The following TMEM236 variants were observed in gnomAD, a reference collection of about 807,000 sequenced individuals.
TMEM236 encodes transmembrane protein 236.
A neutral mutation model predicts 14.7 loss-of-function variants in TMEM236; 11 were observed. The observed-to-expected ratio is 0.75, with a 90% confidence interval of 0.47 to 1.24. TMEM236 has a LOEUF of 1.24. Ranked by LOEUF, TMEM236 falls within the 50% of genes most tolerant of loss-of-function variation. The pLI is 0.00. For synonymous variants in TMEM236, 182 were observed against 168.6 expected (o/e 1.08, Z -0.62); for missense variants, 464 against 427.3 (o/e 1.09, Z -0.76).
intron 1 of TMEM236, among the ~76,000 whole-genome samples, chr10:17,758,822 A>C (rs1441452622): frequency 6.6e-6 from 1 of 152,256 alleles, no homozygotes; most frequent in East Asian, 1.9e-4. Context: ...AAGAATGAAC[A>C]CCAGAATGGT....
In TMEM236 at chr10:17,776,089, G is replaced by A. The variant is rs1837654867; in HGVS notation, c.391G>A (p.Val131Ile). 22 of 1,613,654 alleles carry A rather than the reference G, an allele frequency of 1.4e-5. No individual in the cohort carries two copies. The highest frequency in any genetic ancestry group is 1.6e-4 in the Middle Eastern group (1 of 6,076). ...VLPDMLPDLP[V>I]SLVLLSLIMV... The stretch of plus-strand genomic sequence containing the variant: ...ACCTGATATGTTACCTGACCTGCCC[G>A]TATCTCTGGTTCTGTTATCCCTGAT... Residue 131 changes from valine to isoleucine, a missense_variant, in exon 3 of 4, where the codon GTA (valine) becomes ATA (isoleucine). Val to Ile is a conservative substitution (Grantham distance 29). Transcript: ENST00000377495.
chr10:17,762,775 C>T (rs1261247167), intron 1 of TMEM236, among the ~76,000 whole-genome samples: 2 of 151,252 alleles, frequency 1.3e-5, no homozygotes, highest in African/African-American at 2.4e-5. Flanking sequence ...TCAAGTGATC[C>T]TCCCTGAGTA....
chr10:17,790,476 A>G (rs1837908751), intron 3 of TMEM236, among the ~76,000 whole-genome samples: 1 of 152,088 alleles, frequency 6.6e-6, no homozygotes, highest in Non-Finnish European at 1.5e-5. Context: ...GGATCGCTTG[A>G]GCCCAGAAGC....
In TMEM236 at chr10:17,752,522, A is replaced by T. The variant is rs1837224300; in HGVS notation, c.227A>T (p.Lys76Ile). ...WVPVKVILHK[K>I]RYIYRKIKGW... ...CCTGTAAAAGTTATCCTGCACAAGAAACGTTATATTTACAGAAAAATTAAA... is the reference window on the plus strand; with the variant it reads ...CCTGTAAAAGTTATCCTGCACAAGATACGTTATATTTACAGAAAAATTAAA... The change falls in exon 1 of 4, where the codon AAA (lysine) becomes ATA (isoleucine). Residue 76 changes from lysine (K) to isoleucine (I), a missense_variant. Coordinates refer to ENST00000377495, the MANE Select transcript of TMEM236 (RefSeq NM_001098844.3). The T allele has an allele frequency of 3.1e-6, 5 of 1,613,978 alleles. No individual in the cohort carries two copies. Among genetic ancestry groups the T allele is most frequent in the Non-Finnish European group, 4.2e-6 (5 of 1,179,862 alleles).
intron 3 of TMEM236, among the ~76,000 whole-genome samples, chr10:17,779,882 G>T (rs1210809437): frequency 6.6e-6 from 1 of 152,138 alleles, no homozygotes. Flanking sequence ...TCTAAATGCT[G>T]TTGGTGCTGC....
In TMEM236 at chr10:17,752,416, A is replaced by G; in HGVS notation, c.121A>G (p.Arg41Gly). The change falls in exon 1 of 4, where the codon AGA becomes GGA. Residue 41 changes from arginine (R) to glycine (G), a missense_variant. By Grantham distance (125) the Arg-to-Gly change is moderately radical. Coordinates refer to ENST00000377495, the MANE Select transcript of TMEM236 (RefSeq NM_001098844.3). ...CACCGCCTACCAAGGAACAAGGGCTAGATCTGACAACACACACTACTGGCT... is the reference window on the plus strand; with the variant it reads ...CACCGCCTACCAAGGAACAAGGGCTGGATCTGACAACACACACTACTGGCT... ...FATAYQGTRA[R>G]SDNTHYWLII... 6 of 1,613,992 alleles carry G rather than the reference A, an allele frequency of 3.7e-6. No individual in the cohort carries two copies. In the South Asian group the frequency reaches 4.4e-5, roughly 12 times the overall value.
chr10:17,775,126 G>T (rs1204941720), intron 2 of TMEM236, among the ~76,000 whole-genome samples: 1 of 152,086 alleles, frequency 6.6e-6, no homozygotes, highest in East Asian at 1.9e-4. Flanking sequence ...ATTCTCTGGC[G>T]CATTACCCTG....
In TMEM236 at chr10:17,783,443, C is replaced by T. The variant is rs894285039; in HGVS notation, c.472+7273C>T. Among the ~76,000 whole-genome samples, 122 of 152,278 alleles carry T rather than the reference C, an allele frequency of 8.0e-4. 1 individual carries two copies. The highest frequency in any genetic ancestry group is 2.8e-3 in the African/African-American group (116 of 41,568). ...AAGGAGGCGGTTTCCACTATCACATCAGCGAGAGGTGCCCGGTATGATGTT... is the reference window on the plus strand; with the variant it reads ...AAGGAGGCGGTTTCCACTATCACATTAGCGAGAGGTGCCCGGTATGATGTT... On this transcript the variant is annotated intron_variant, in intron 3 of 3. Transcript: ENST00000377495.
intron 1 of TMEM236, among the ~76,000 whole-genome samples, chr10:17,765,902 T>C (rs976468719): frequency 2.4e-4 from 36 of 152,210 alleles, no homozygotes; most frequent in African/African-American, 8.4e-4. Flanking sequence ...ATAACACATT[T>C]GCAGCCAAAT....
At chr10:17,754,096 G>C (rs1393108466) in intron 1 of TMEM236, among the ~76,000 whole-genome samples, 1 of 152,168 alleles carries the variant, frequency 6.6e-6, no homozygotes, top group Non-Finnish European at 1.5e-5. Flanking sequence ...GCTATTCTAA[G>C]TAGTAAATGT....
chr10:17,753,652 T>C (rs960156782), intron 1 of TMEM236, among the ~76,000 whole-genome samples: 15 of 152,222 alleles, frequency 9.9e-5, no homozygotes, highest in African/African-American at 3.6e-4. Flanking sequence ...CTATCACTGA[T>C]GGGCATTTAG....
chr10:17,766,856 T>G (rs1359092462), intron 1 of TMEM236, among the ~76,000 whole-genome samples: 80 of 48,368 alleles, frequency 1.7e-3, no homozygotes, highest in African/African-American at 6.2e-3. Context: ...GCTTCTGTTG[T>G]TTTTTTTTGG....
intron 1 of TMEM236, among the ~76,000 whole-genome samples, chr10:17,754,145 A>G (rs1422304091): frequency 1.3e-5 from 2 of 152,236 alleles, no homozygotes; most frequent in South Asian, 4.1e-4. Context: ...ACATAAACTT[A>G]TCGGAGTGAG....
At chr10:17,786,209 G>T (rs1256920455) in intron 3 of TMEM236, among the ~76,000 whole-genome samples, 3 of 152,272 alleles carry the variant, frequency 2.0e-5, no homozygotes, top group Admixed American at 2.0e-4. Flanking sequence ...AAAGAATTCA[G>T]CATGTGTTAC....
chr10:17,776,201 T>A (rs1837657006), intron 3 of TMEM236, 31 bp downstream of exon 3: 2 of 1,592,316 alleles, frequency 1.3e-6, no homozygotes, highest in Admixed American at 3.4e-5. Flanking sequence ...GAATATTTTT[T>A]AAAGTTTGAT....
intron 1 of TMEM236, among the ~76,000 whole-genome samples, chr10:17,760,060 G>A (rs1837337181): frequency 6.8e-6 from 1 of 147,680 alleles, no homozygotes; most frequent in South Asian, 2.1e-4. Context: ...CGCTGGCCCT[G>A]ACAACTGAAA....
At chr10:17,760,535 A>T (rs1250861416) in intron 1 of TMEM236, among the ~76,000 whole-genome samples, 2 of 152,144 alleles carry the variant, frequency 1.3e-5, no homozygotes, top group Non-Finnish European at 2.9e-5. Context: ...ACGTAGTTTA[A>T]GCTATCCACA....
At chr10:17,773,951 T>C (rs907739624) in intron 2 of TMEM236, among the ~76,000 whole-genome samples, 3 of 152,240 alleles carry the variant, frequency 2.0e-5, no homozygotes, top group Admixed American at 2.0e-4. Context: ...TGGATAGTGC[T>C]TGGGTCACTC....
intron 1 of TMEM236, among the ~76,000 whole-genome samples, chr10:17,756,252 C>T (rs1554833689): frequency 1.3e-5 from 2 of 152,078 alleles, no homozygotes; most frequent in East Asian, 3.9e-4. Context: ...AGACCCCCAA[C>T]TCTGAAAAAC....
Sources: gnomAD v4.1 joint callset for allele counts (sites outside exome capture counted in the v4.1 genomes callset) on GRCh38, gnomAD v4.1.1 for gene constraint, MANE v1.5 for transcripts, NCBI Gene and HGNC (gene_info 2026-07-23, HGNC 2026-07-21) for gene names.